LRRIQ1: variants seen among roughly 807,000 people sequenced by gnomAD.
The protein encoded by LRRIQ1 is leucine-rich repeat- and IQ domain-containing protein 1.
LRRIQ1 carries 210 observed loss-of-function variants against 211.9 expected under a neutral mutation model. The observed-to-expected ratio is 0.99, with a 90% CI of 0.89 to 1.11. The LOEUF (loss-of-function observed/expected upper bound fraction) is 1.11, where lower values mean the gene tolerates loss of function less well. LRRIQ1 is among the 50% of genes most tolerant of loss of function. The pLI, the probability that LRRIQ1 is intolerant of heterozygous loss-of-function variation, is 0.00. For synonymous variants in LRRIQ1, 699 were observed against 650.1 expected (o/e 1.08, Z -1.14); for missense variants, 2,136 against 1,939.5 (o/e 1.10, Z -1.90).
In LRRIQ1 at chr12:85,121,872, A is replaced by G; in HGVS notation, c.3553A>G (p.Lys1185Glu). ...GCTAATTGAAAATTATATAACTGGA[A>G]AAGGGTAAGATTGTGATCTTCCCAT... Reference protein sequence around the residue: ...NLLIENYITGKGDVFTLDTAE... With the variant: ...NLLIENYITGEGDVFTLDTAE... The change falls in exon 16 of 27, where the codon AAA becomes GAA. Residue 1185 changes from lysine to glutamate, a missense_variant. By Grantham distance (56) the Lys-to-Glu change is moderately conservative. Coordinates refer to ENST00000393217, the MANE Select transcript of LRRIQ1 (RefSeq NM_001079910.2). 2 of 1,600,438 alleles carry G rather than the reference A, an allele frequency of 1.2e-6. No homozygotes were observed. Among genetic ancestry groups the G allele is most frequent in the Non-Finnish European group, 1.7e-6 (2 of 1,173,788 alleles).
At chr12:85,213,285 T>G (rs1226329531) in intron 24 of LRRIQ1, among the ~76,000 whole-genome samples, 1 of 151,822 alleles carries the variant, frequency 6.6e-6, no homozygotes, top group African/African-American at 2.4e-5. Context: ...AAAAGTTCCA[T>G]TTACTAGAGA....
At chr12:85,041,246 C>T (rs1878846867) in intron 3 of LRRIQ1, among the ~76,000 whole-genome samples, 1 of 151,758 alleles carries the variant, frequency 6.6e-6, no homozygotes, top group Non-Finnish European at 1.5e-5. Context: ...TATTCATATT[C>T]ATTCAATAAA....
chr12:85,110,236 G>A (rs1212559050), intron 15 of LRRIQ1, among the ~76,000 whole-genome samples: 5 of 152,074 alleles, frequency 3.3e-5, no homozygotes, highest in Admixed American at 2.6e-4. Context: ...GAGATTTAAT[G>A]TAACCCATAA....
chr12:85,149,086 G>A (rs987315741), intron 19 of LRRIQ1, among the ~76,000 whole-genome samples: 1 of 151,692 alleles, frequency 6.6e-6, no homozygotes, highest in African/African-American at 2.4e-5. Context: ...AAAATTTTCT[G>A]CCATTCTGTA....
chr12:85,260,249 C>A (rs1001035121), intron 1 of LRRIQ1, among the ~76,000 whole-genome samples: 1 of 151,330 alleles, frequency 6.6e-6, no homozygotes, highest in Non-Finnish European at 1.5e-5. Flanking sequence ...CATGTGGAGG[C>A]TTTGGTGAGC....
intron 14 of LRRIQ1, among the ~76,000 whole-genome samples, chr12:85,104,519 A>T (rs1040871662): frequency 1.3e-5 from 2 of 151,886 alleles, no homozygotes; most frequent in Non-Finnish European, 2.9e-5. Flanking sequence ...ATCACCACAC[A>T]TTAATTTTGT....
At chr12:85,236,856 T>A (rs1895209783) in intron 26 of LRRIQ1, among the ~76,000 whole-genome samples, 1 of 144,886 alleles carries the variant, frequency 6.9e-6, no homozygotes, top group Non-Finnish European at 1.5e-5. Flanking sequence ...TATATATATA[T>A]CTCCCAGATT....
intron 17 of LRRIQ1, chr12:85,124,847 C>T (rs1008846353): frequency 3.4e-5 from 8 of 238,256 alleles, no homozygotes; most frequent in African/African-American, 1.2e-4. Context: ...ATAATAAAAA[C>T]ATTTTCTGAG....
intron 11 of LRRIQ1, among the ~76,000 whole-genome samples, chr12:85,084,907 C>A (rs1009964422): frequency 4.1e-5 from 6 of 146,192 alleles, no homozygotes; most frequent in African/African-American, 1.5e-4. Context: ...GCCTGGGCAA[C>A]AGAGTAAGAC....
the LRRIQ1 span, among the ~76,000 whole-genome samples, chr12:85,271,151 G>A: frequency 6.6e-6 from 1 of 152,084 alleles, no homozygotes; most frequent in Non-Finnish European, 1.5e-5. Flanking sequence ...TAACATATTT[G>A]TGAACAAACT....
At chr12:85,040,046 G>A (rs1878683235) in intron 2 of LRRIQ1, among the ~76,000 whole-genome samples, 1 of 151,500 alleles carries the variant, frequency 6.6e-6, no homozygotes, top group Non-Finnish European at 1.5e-5. Flanking sequence ...CTAAATTTGT[G>A]TATGATAATC....
intron 10 of LRRIQ1, 104 bp from the exon 11 acceptor site, chr12:85,072,803 T>C (rs1883232677): frequency 1.5e-6 from 1 of 673,944 alleles, no homozygotes; most frequent in Non-Finnish European, 2.3e-6. Flanking sequence ...ATTTAGGTTT[T>C]ATTTTTTGCT....
At chr12:85,252,127 A>G (rs994671941) in intron 1 of LRRIQ1, among the ~76,000 whole-genome samples, 4 of 151,932 alleles carry the variant, frequency 2.6e-5, no homozygotes, top group Non-Finnish European at 5.9e-5. Context: ...CAGCTATTTT[A>G]TAAAATCAAG....
rs544653305 is a variant in LRRIQ1 at position 85,094,858 on chromosome 12, G to C, written c.2888-3497G>C. On this transcript the variant is annotated intron_variant, in intron 11 of 26. Transcript: ENST00000393217. ...TAGATATATTGCTAGGTGTGTACGT[G>C]TGTGTTTGTGTGTGTATGTCTATTG... 2.6e-5 allele frequency among the ~76,000 whole-genome samples: 4 copies of C among 152,082 alleles called. 1 individual carries two copies. Among genetic ancestry groups the C allele is most frequent in the African/African-American group, 9.6e-5 (4 of 41,528 alleles).
rs1318557517 is a variant in LRRIQ1 at position 85,040,528 on chromosome 12, T to G, written c.171T>G (p.Ile57Met). The G allele has an allele frequency of 6.3e-7, 1 of 1,594,972 alleles. No individual in the cohort carries two copies. Among genetic ancestry groups the G allele is most frequent in the Non-Finnish European group, 8.5e-7 (1 of 1,169,638 alleles). Residue 57 changes from isoleucine to methionine, a missense_variant, in exon 3 of 27, where the codon ATT becomes ATG. Physicochemically the swap from Ile to Met is conservative, Grantham distance 10. Coordinates refer to ENST00000393217, the MANE Select transcript of LRRIQ1 (RefSeq NM_001079910.2). ...VELPESVLHC[I>M]NIIKNRSKAV... ...TACCAGAATCAGTTCTTCACTGTATTAACATCATAAAGAACAGGAGTAAAG... is the reference window on the plus strand; with the variant it reads ...TACCAGAATCAGTTCTTCACTGTATGAACATCATAAAGAACAGGAGTAAAG...
intron 15 of LRRIQ1, among the ~76,000 whole-genome samples, chr12:85,112,119 T>G (rs1037412347): frequency 1.3e-5 from 2 of 151,988 alleles, no homozygotes; most frequent in African/African-American, 4.8e-5. Flanking sequence ...ATCTGAAGTA[T>G]AAAAGTTTCC....
chr12:85,040,574 C>T lies in LRRIQ1; in HGVS notation c.217C>T (p.Gln73Ter). 1 of 1,598,274 alleles carries T rather than the reference C, an allele frequency of 6.3e-7. No individual in the cohort carries two copies. The change falls in exon 3 of 27, where the codon CAG (glutamine) becomes TAG (stop). Residue 73 changes from glutamine to a stop codon, truncating the protein, a stop_gained. Transcript: ENST00000393217. LOFTEE classifies it high-confidence loss of function. Reference sequence around the variant, plus strand: ...TAAAGCTGTTGAAGAGCTCATTCTTCAGGACCTGGAAGATACTGATATTTT... The same window carrying T: ...TAAAGCTGTTGAAGAGCTCATTCTTTAGGACCTGGAAGATACTGATATTTT... ...RSKAVEELIL[Q>*]DLEDTDILSC...
intron 23 of LRRIQ1, among the ~76,000 whole-genome samples, chr12:85,155,004 A>G (rs1274981638): frequency 2.0e-5 from 3 of 151,224 alleles, no homozygotes; most frequent in African/African-American, 7.3e-5. Flanking sequence ...AGTAAATTCT[A>G]AGAACCAGAT....
At chr12:85,190,818 C>T in intron 24 of LRRIQ1, among the ~76,000 whole-genome samples, 1 of 151,870 alleles carries the variant, frequency 6.6e-6, no homozygotes, top group Non-Finnish European at 1.5e-5. Flanking sequence ...TAGATGATAA[C>T]TTCTGTTGCT....
Sources: allele counts gnomAD v4.1 joint callset (sites outside exome capture counted in the v4.1 genomes callset), GRCh38; gene constraint gnomAD v4.1.1; transcripts MANE v1.5; gene names NCBI Gene and HGNC (gene_info 2026-07-23, HGNC 2026-07-21).